THBS2: variants seen among roughly 807,000 people sequenced by gnomAD.
THBS2 encodes thrombospondin-2.
A neutral mutation model predicts 135.2 loss-of-function variants in THBS2; 47 were observed. That is an observed-to-expected ratio of 0.35 (90% CI 0.28 to 0.44). THBS2 has a LOEUF of 0.44. THBS2 is among the 20% of genes least tolerant of loss of function. THBS2 has a pLI of 1.00. For missense variants in THBS2, 1,288 were observed against 1,603.1 expected (o/e 0.80, Z 3.36); for synonymous variants, 639 against 633.8 (o/e 1.01, Z -0.12).
chr6:169,240,650 A>C (rs1780257320), intron 5 of THBS2, 58 bp from the exon 6 acceptor site: 11 of 1,560,416 alleles, frequency 7.0e-6, no homozygotes, highest in Non-Finnish European at 9.6e-6. Context: ...TTTAGTCATC[A>C]TGCTTGTGGA....
At chr6:169,251,858 C>T in intron 1 of THBS2, 1 of 146,768 alleles carries the variant, frequency 6.8e-6, no homozygotes, top group African/African-American at 2.5e-5. Flanking sequence ...CTGCTCCCCC[C>T]AGTGCCGCCC....
In THBS2 at chr6:169,248,546, G is replaced by T; in HGVS notation, c.480C>A (p.Thr160=). ...KNVTVQVAGE[T]YSLHVGCDLI... ...GGTCGCAGCCCACGTGCAAGCTGTA[G>T]GTCTCGCCAGCCACCTGCACGGTGA... The change falls in exon 3 of 22, where the codon ACC becomes ACA. Residue 160 remains threonine, a synonymous_variant. Transcript: ENST00000617924. The T allele has an allele frequency of 6.2e-7, 1 of 1,614,016 alleles. No homozygotes were observed. Among genetic ancestry groups the T allele is most frequent in the African/African-American group, 1.3e-5 (1 of 75,064 alleles).
At chr6:169,225,444 G>C in intron 16 of THBS2, 65 bp from the exon 17 acceptor site, 1 of 1,478,054 alleles carries the variant, frequency 6.8e-7, no homozygotes, top group Non-Finnish European at 9.2e-7. Context: ...AGAGGAACCA[G>C]CAGGACGCAA....
chr6:169,230,475 G>A (rs938339720), intron 13 of THBS2, among the ~76,000 whole-genome samples: 1 of 152,208 alleles, frequency 6.6e-6, no homozygotes, highest in African/African-American at 2.4e-5. Flanking sequence ...AGGAGAGCAT[G>A]TTGCTTGTCA....
Position 169,228,168 on chromosome 6 carries a change from G to T in THBS2, c.2373C>A (p.Asp791Glu). 2 of 1,613,980 alleles carry T rather than the reference G, an allele frequency of 1.2e-6. No homozygotes were observed. The highest frequency in any genetic ancestry group is 1.7e-6 in the Non-Finnish European group (2 of 1,180,034). The part of the protein sequence containing the change: ...YVHNPAQIDT[D>E]NNGEGDACSV... ...AGCAGGCGTCACCCTCTCCATTGTT[G>T]TCTGTGTCGATCTGGGCAGGGTTGT... The change falls in exon 15 of 22, where the codon GAC (aspartate) becomes GAA (glutamate). Residue 791 changes from aspartate (D) to glutamate (E), a missense_variant. Coordinates refer to ENST00000617924, the MANE Select transcript of THBS2 (RefSeq NM_003247.5).
At chr6:169,219,443 A>G (rs1466111148) in intron 21 of THBS2, among the ~76,000 whole-genome samples, 1 of 152,058 alleles carries the variant, frequency 6.6e-6, no homozygotes, top group African/African-American at 2.4e-5. Flanking sequence ...AATGATATGG[A>G]TGGATGGGAG....
intron 21 of THBS2, among the ~76,000 whole-genome samples, chr6:169,219,217 A>T (rs1779321967): frequency 8.5e-6 from 1 of 118,270 alleles, no homozygotes; most frequent in African/African-American, 3.3e-5. Flanking sequence ...GATGAAATGG[A>T]TGAGTGGGTG....
At chr6:169,250,663 C>A in intron 2 of THBS2, 70 bp downstream of exon 2, 1 of 1,418,442 alleles carries the variant, frequency 7.0e-7, no homozygotes, top group Non-Finnish European at 9.7e-7. Flanking sequence ...TTTATTTTGT[C>A]ATCTCTCCCC....
At chr6:169,219,352 A>ATGGATGAGATGGG (rs1562352304) in intron 21 of THBS2, among the ~76,000 whole-genome samples, 6 of 146,212 alleles carry the variant, frequency 4.1e-5, no homozygotes, top group Non-Finnish European at 7.5e-5. Flanking sequence ...GGATGGATGG[A>ATGGATGAGATGGG]TGGTTGGGTG....
Position 169,237,225 on chromosome 6 carries a change from C to T in THBS2, c.1422G>A (p.Lys474=). The change falls in exon 9 of 22, where the codon AAG becomes AAA. Residue 474 remains lysine, a synonymous_variant. Transcript: ENST00000617924. ...CNSPVPQMGG[K]NCKGSGRETK... ...TCTCCCGGCCACTCCCTTTGCAATT[C>T]TTGCCCCCCATCTGGGGCACTGGGG... is the stretch of plus-strand genomic sequence containing the variant. 3 of 1,613,100 alleles carry T rather than the reference C, an allele frequency of 1.9e-6. No homozygotes were observed. The highest frequency in any genetic ancestry group is 2.5e-6 in the Non-Finnish European group (3 of 1,179,984).
intron 10 of THBS2, chr6:169,234,504 G>A (rs568103833): frequency 1.1e-5 from 5 of 436,254 alleles, no homozygotes; most frequent in African/African-American, 2.2e-5. Flanking sequence ...CACATTCCAC[G>A]CCACACAACT....
intron 1 of THBS2, among the ~76,000 whole-genome samples, chr6:169,251,093 G>A (rs542469257): frequency 1.3e-5 from 2 of 152,302 alleles, no homozygotes; most frequent in Non-Finnish European, 1.5e-5. Context: ...GGTATGTGCT[G>A]CTCTAATTGT....
At chr6:169,227,089 G>C (rs1021317188) in intron 15 of THBS2, among the ~76,000 whole-genome samples, 1 of 152,184 alleles carries the variant, frequency 6.6e-6, no homozygotes, top group African/African-American at 2.4e-5. Flanking sequence ...AGAACGAGAG[G>C]AGGGTGGAGG....
rs780127381 is a variant in THBS2 at position 169,225,306 on chromosome 6, T to G, written c.2612A>C (p.Asn871Thr). 5 of 1,590,860 alleles carry G rather than the reference T, an allele frequency of 3.1e-6. No homozygotes were observed. The East Asian group carries it at 1.1e-4, about 36-fold the overall frequency. ...NEDIDDDGHQ[N>T]NQDNCPYISN... ...GATGTAGGGGCAGTTGTCCTGGTTG[T>G]TCTGGTGGCCGTCGTCATCTATGTC... The change falls in exon 17 of 22, where the codon AAC becomes ACC. Residue 871 changes from asparagine (N) to threonine (T), a missense_variant. Transcript: ENST00000617924.
chr6:169,228,499 G>A (rs1562356590), intron 14 of THBS2, among the ~76,000 whole-genome samples: 1 of 151,918 alleles, frequency 6.6e-6, no homozygotes, highest in Non-Finnish European at 1.5e-5. Flanking sequence ...AAGCCAGTCA[G>A]GGCAGGGCAC....
chr6:169,223,202 T>C (rs1583405095), intron 18 of THBS2, 46 bp downstream of exon 18: 1 of 1,573,256 alleles, frequency 6.4e-7, no homozygotes. Flanking sequence ...TGTGGGCGCC[T>C]CCCCCGGAGA....
At chr6:169,219,354 G>GGATGAGATGGATC (rs1554244192) in intron 21 of THBS2, among the ~76,000 whole-genome samples, 1 of 150,092 alleles carries the variant, frequency 6.7e-6, no homozygotes, top group African/African-American at 2.5e-5. Flanking sequence ...ATGGATGGAT[G>GGATGAGATGGATC]GTTGGGTGAA....
Position 169,241,952 on chromosome 6 carries a change from A to G in THBS2, c.701T>C (p.Ile234Thr), listed in dbSNP as rs761909997. 2.5e-6 allele frequency: 4 copies of G among 1,607,508 alleles called. No individual in the cohort carries two copies. In the South Asian group the frequency reaches 4.4e-5, roughly 18 times the overall value. The change falls in exon 5 of 22, where the codon ATC becomes ACC. Residue 234 changes from isoleucine to threonine, a missense_variant. Physicochemically the swap from Ile to Thr is moderately conservative, Grantham distance 89. Transcript: ENST00000617924. The surrounding 1 kb of genome is among the most constrained non-coding windows in gnomAD (Gnocchi z 5.5). ...CTCTGTGTTCTCACTGATGGCGTTG[A>G]TCTCAGCTGAGGGCAAGCGTAGAAG... ...KGCQQGQGAE[I>T]NAISENTETL...
In THBS2 at chr6:169,248,981, G is replaced by C. The variant is rs1318053211; in HGVS notation, c.53-8C>G. 2 of 1,590,286 alleles carry C rather than the reference G, an allele frequency of 1.3e-6. No homozygotes were observed. Among genetic ancestry groups the C allele is most frequent in the Non-Finnish European group, 1.7e-6 (2 of 1,165,368 alleles). ...CTTTGTCCTGGTGACCAGCTGCAAA[G>C]GGAACCGCAGTGGAGAAGGGTGACG... On this transcript the variant is annotated splice_polypyrimidine_tract_variant and splice_region_variant and intron_variant, in intron 2 of 21. Coordinates refer to ENST00000617924, the MANE Select transcript of THBS2 (RefSeq NM_003247.5).
Sources: allele counts gnomAD v4.1 joint callset (sites outside exome capture counted in the v4.1 genomes callset), GRCh38; gene constraint gnomAD v4.1.1; non-coding constraint Gnocchi (gnomAD v3.1); transcripts MANE v1.5; gene names NCBI Gene and HGNC (gene_info 2026-07-23, HGNC 2026-07-21).